Variants in CLEC4A observed in about 807,000 individuals in gnomAD.
CLEC4A encodes the protein C-type (calcium dependent, carbohydrate-recognition domain) lectin, superfamily member 6.
Under a neutral mutation model 32.7 loss-of-function variants are expected in CLEC4A, and 27 were observed. That is an observed-to-expected ratio of 0.83 (90% CI 0.61 to 1.14). The LOEUF (loss-of-function observed/expected upper bound fraction) is 1.14. CLEC4A is among the 50% of genes most tolerant of loss of function. The pLI is 0.00. For missense variants in CLEC4A, 253 were observed against 274.6 expected (o/e 0.92, Z 0.55); for synonymous variants, 89 against 93.7 (o/e 0.95, Z 0.29).
intron 3 of CLEC4A, chr12:8,134,561 G>T: frequency 1.9e-6 from 3 of 1,613,434 alleles, no homozygotes; most frequent in Non-Finnish European, 2.5e-6. Context: ...CTCCTGCTTC[G>T]CCCTCAGGCT....
At position 8,134,991 on chromosome 12, in the gene CLEC4A, TTTTTA is replaced by T. The variant is rs1948080044; in HGVS notation, c.299-593_299-589del. 225 of 264,208 alleles carry T rather than the reference TTTTTA, an allele frequency of 8.5e-4. 3 individuals carry two copies. The highest frequency in any genetic ancestry group is 1.3e-3 in the Middle Eastern group (1 of 752). The allele number at this position is 264,208 out of a possible 1,614,324, so 16.4% of individuals were successfully genotyped here. ...TTGAAGCGTTTTTGTTTTTTGTTTT[TTTTTA>T]ATCATGGCTGCTTTTAAATCTTTGT... On this transcript the variant is annotated intron_variant, in intron 3 of 5. Transcript: ENST00000229332.
the CLEC4A span, among the ~76,000 whole-genome samples, chr12:8,111,719 A>G: frequency 6.6e-6 from 1 of 152,190 alleles, no homozygotes; most frequent in Non-Finnish European, 1.5e-5. Flanking sequence ...CCTTGTTGAT[A>G]GTAACATTTC....
At chr12:8,109,685 C>A in the CLEC4A span, among the ~76,000 whole-genome samples, 1 of 152,096 alleles carries the variant, frequency 6.6e-6, no homozygotes, top group Non-Finnish European at 1.5e-5. Context: ...CACTGTACTC[C>A]AGCTTGGGGT....
At chr12:8,113,951 G>C in the CLEC4A span, among the ~76,000 whole-genome samples, 1 of 152,282 alleles carries the variant, frequency 6.6e-6, no homozygotes, top group East Asian at 1.9e-4. Context: ...CTCATGGTGT[G>C]TTGGCACCTG....
At chr12:8,126,371 A>ATTTT (rs55729993) in intron 2 of CLEC4A, among the ~76,000 whole-genome samples, 1 of 115,696 alleles carries the variant, frequency 8.6e-6, no homozygotes, top group Non-Finnish European at 1.8e-5. Context: ...TGCTCAGCTA[A>ATTTT]TTTTTTTTTT....
chr12:8,138,026 G>T, intron 5 of CLEC4A, 114 bp from the exon 6 acceptor site: 1 of 1,114,578 alleles, frequency 9.0e-7, no homozygotes, highest in Admixed American at 2.8e-5. Context: ...AGGTGGATTT[G>T]GGCATATCTG....
At position 8,136,769 on chromosome 12, in the gene CLEC4A, C is replaced by G. The variant is rs767182062; in HGVS notation, c.451-19C>G. The stretch of plus-strand genomic sequence containing the variant: ...GCTGAATACTGTAAAGGCTGTGACT[C>G]CTTCTTTTCCCCCCTCAGGATTTCA... On this transcript the variant is annotated intron_variant, in intron 4 of 5. Coordinates refer to ENST00000229332, the MANE Select transcript of CLEC4A (RefSeq NM_016184.4). 59 of 1,480,958 alleles carry G rather than the reference C, an allele frequency of 4.0e-5. No individual in the cohort carries two copies. Among genetic ancestry groups the G allele is most frequent in the Non-Finnish European group, 5.4e-5 (57 of 1,058,918 alleles). 91.7% of individuals were successfully genotyped at this position (1,480,958 alleles called of 1,614,324 possible).
chr12:8,110,571 A>G, the CLEC4A span, among the ~76,000 whole-genome samples: 5 of 152,174 alleles, frequency 3.3e-5, no homozygotes, highest in Non-Finnish European at 7.3e-5. Context: ...AAGCTCAAGC[A>G]GAAACCATCT....
chr12:8,126,371 A>AT (rs55729993), intron 2 of CLEC4A, among the ~76,000 whole-genome samples: 14 of 115,682 alleles, frequency 1.2e-4, no homozygotes, highest in African/African-American at 3.0e-4. Context: ...TGCTCAGCTA[A>AT]TTTTTTTTTT....
rs779626131 is a variant in CLEC4A, at chr12:8,125,673, T to C, written c.195T>C (p.Phe65=). The C allele has an allele frequency of 1.6e-5, 26 of 1,579,318 alleles. No individual in the cohort carries two copies. Among genetic ancestry groups the C allele is most frequent in the African/African-American group, 2.7e-5 (2 of 74,352 alleles). ...TGGCAATCTCATTCTTTATTGCTTT[T>C]GTCAGTAAGTATGCCAACTGAACCA... ...LLLAISFFIA[F]VIFFQKYSQL... The change falls in exon 2 of 6, where the codon TTT becomes TTC. Residue 65 remains phenylalanine (F), a synonymous_variant. Transcript: ENST00000229332.
the CLEC4A span, among the ~76,000 whole-genome samples, chr12:8,106,581 A>G: frequency 1.3e-5 from 2 of 152,112 alleles, no homozygotes; most frequent in African/African-American, 4.8e-5. Context: ...GTGTTTTGTA[A>G]TACTTGCTGT....
the CLEC4A span, among the ~76,000 whole-genome samples, chr12:8,111,957 G>C: frequency 6.8e-6 from 1 of 148,018 alleles, no homozygotes; most frequent in Non-Finnish European, 1.5e-5. Flanking sequence ...GTGTGTGTGT[G>C]TGTGTGTATT....
chr12:8,103,768 C>A, the CLEC4A span, among the ~76,000 whole-genome samples: 1 of 152,148 alleles, frequency 6.6e-6, no homozygotes, highest in South Asian at 2.1e-4. Context: ...CCCTTTTATA[C>A]CTGCCTGTTG....
upstream of CLEC4A, chr12:8,121,371 C>A (rs899391749): frequency 9.9e-5 from 15 of 152,216 alleles, no homozygotes; most frequent in African/African-American, 3.6e-4. Context: ...ACTTAAAATT[C>A]CCTTATCCTT....
the CLEC4A span, among the ~76,000 whole-genome samples, chr12:8,109,100 A>G: frequency 2.0e-5 from 3 of 152,088 alleles, no homozygotes; most frequent in Admixed American, 2.0e-4. Context: ...TTCTTTTTCA[A>G]CAATCTAAGA....
chr12:8,116,223 G>C, the CLEC4A span, among the ~76,000 whole-genome samples: 1 of 151,992 alleles, frequency 6.6e-6, no homozygotes, highest in African/African-American at 2.4e-5. Context: ...CGGCCTCCCA[G>C]AGTGCTAGGA....
At chr12:8,128,122 CA>C (rs1400124890) in intron 2 of CLEC4A, among the ~76,000 whole-genome samples, 4 of 152,048 alleles carry the variant, frequency 2.6e-5, no homozygotes, top group Non-Finnish European at 5.9e-5. Context: ...GGAAATGTTA[CA>C]TTTTAAAAGA....
At chr12:8,111,938 T>G in the CLEC4A span, among the ~76,000 whole-genome samples, 7 of 79,328 alleles carry the variant, frequency 8.8e-5, no homozygotes, top group East Asian at 1.8e-3. Context: ...TGTGTGTGTG[T>G]GTGTGTGTGT....
the CLEC4A span, among the ~76,000 whole-genome samples, chr12:8,110,222 A>G: frequency 6.6e-6 from 1 of 152,076 alleles, no homozygotes; most frequent in African/African-American, 2.4e-5. Flanking sequence ...TACTTCTGGG[A>G]TTTCTTAATT....
Sources: allele counts gnomAD v4.1 joint callset (sites outside exome capture counted in the v4.1 genomes callset), GRCh38; gene constraint gnomAD v4.1.1; transcripts MANE v1.5; gene names NCBI Gene and HGNC (gene_info 2026-07-23, HGNC 2026-07-21).